Variants in GLRA3 observed in about 807,000 individuals in gnomAD.
GLRA3 encodes the protein glycine receptor subunit alpha-3.
A neutral mutation model predicts 60.4 loss-of-function variants in GLRA3; 44 were observed. The ratio of observed to expected loss-of-function variants is 0.73; its 90% CI spans 0.57 to 0.94. The LOEUF is 0.94. Ranked by LOEUF, GLRA3 falls within the 40% of genes least tolerant of loss-of-function variation. GLRA3 has a pLI of 0.00. For missense variants in GLRA3, 508 were observed against 564.6 expected (o/e 0.90, Z 1.02); for synonymous variants, 223 against 192.9 (o/e 1.16, Z -1.29).
intron 2 of GLRA3, among the ~76,000 whole-genome samples, chr4:174,774,362 GTA>G (rs1554020274): frequency 2.9e-4 from 41 of 139,176 alleles, no homozygotes; most frequent in African/African-American, 4.6e-4. Flanking sequence ...ATGTGTGTGT[GTA>G]TGTGTGTGTG....
intron 5 of GLRA3, among the ~76,000 whole-genome samples, chr4:174,692,303 C>G (rs1407217014): frequency 6.9e-6 from 1 of 145,678 alleles, no homozygotes; most frequent in East Asian, 2.0e-4. Context: ...GCCGCCCCGT[C>G]TGGGAGGGAG....
At chr4:174,694,035 A>G (rs1375881503) in intron 5 of GLRA3, among the ~76,000 whole-genome samples, 1 of 150,198 alleles carries the variant, frequency 6.7e-6, no homozygotes, top group East Asian at 1.9e-4. Context: ...AAGAAGACCT[A>G]ACTGTCCTAA....
Position 174,637,655 on chromosome 4 carries a change from C to T in GLRA3, c.*6131G>A, listed in dbSNP as rs1321915453. 6.6e-6 allele frequency: 1 copy of T among 152,106 alleles called. No homozygotes were observed. Among genetic ancestry groups the T allele is most frequent in the Non-Finnish European group, 1.5e-5 (1 of 68,016 alleles). 9.4% of individuals were successfully genotyped at this position (152,106 alleles called of 1,614,324 possible). On this transcript the variant is annotated 3_prime_UTR_variant, in exon 10 of 10. Coordinates refer to ENST00000274093, the MANE Select transcript of GLRA3 (RefSeq NM_006529.4). The stretch of plus-strand genomic sequence containing the variant: ...GCTATTAAAATAAAACAACTTAATC[C>T]CCTGTACTTTTGTTATAGCTTTACT...
At chr4:174,731,855 T>G (rs948471207) in intron 3 of GLRA3, among the ~76,000 whole-genome samples, 2 of 152,082 alleles carry the variant, frequency 1.3e-5, no homozygotes, top group African/African-American at 4.8e-5. Flanking sequence ...TCACAACATT[T>G]TACTAGGCAG....
At chr4:174,824,495 C>T (rs746126938) in intron 1 of GLRA3, among the ~76,000 whole-genome samples, 2 of 152,122 alleles carry the variant, frequency 1.3e-5, no homozygotes, top group South Asian at 2.1e-4. Context: ...CATATTCCAT[C>T]GTGAAGCAAT....
intron 9 of GLRA3, among the ~76,000 whole-genome samples, chr4:174,648,717 A>G (rs1312473624): frequency 6.6e-6 from 1 of 152,122 alleles, no homozygotes; most frequent in East Asian, 1.9e-4. Context: ...GTTTTGATTC[A>G]TGGGTATATT....
intron 5 of GLRA3, among the ~76,000 whole-genome samples, chr4:174,709,799 A>C (rs566772712): frequency 3.9e-5 from 6 of 152,178 alleles, no homozygotes; most frequent in African/African-American, 1.2e-4. Context: ...ATTCTCAGTG[A>C]TGAGTTAGCA....
chr4:174,807,584 C>G (rs564510152), intron 1 of GLRA3, among the ~76,000 whole-genome samples: 1 of 152,182 alleles, frequency 6.6e-6, no homozygotes, highest in East Asian at 1.9e-4. Flanking sequence ...AGAGAATTGT[C>G]TAGACCTATT....
In GLRA3 at chr4:174,639,917, A is replaced by G. The variant is rs898777390; in HGVS notation, c.*3869T>C. ...ATCTGCTGAGGAAGATGTCTCTTATACAGGTACAAGATGCAATGGGTATTA... is the reference window on the plus strand; with the variant it reads ...ATCTGCTGAGGAAGATGTCTCTTATGCAGGTACAAGATGCAATGGGTATTA... On this transcript the variant is annotated 3_prime_UTR_variant, in exon 10 of 10. Transcript: ENST00000274093. The G allele has an allele frequency of 4.6e-5, 7 of 152,262 alleles. No homozygotes were observed. In the East Asian group the frequency reaches 1.4e-3, roughly 29 times the overall value. 9.4% of individuals were successfully genotyped at this position (152,262 alleles called of 1,614,324 possible).
chr4:174,740,617 T>C (rs1319682082), intron 3 of GLRA3, among the ~76,000 whole-genome samples: 1 of 152,246 alleles, frequency 6.6e-6, no homozygotes, highest in African/African-American at 2.4e-5. Context: ...ATTGTTGATG[T>C]TCCTGCTTTA....
intron 5 of GLRA3, among the ~76,000 whole-genome samples, chr4:174,683,641 G>A (rs181813560): frequency 1.3e-5 from 2 of 152,222 alleles, no homozygotes; most frequent in Admixed American, 6.5e-5. Flanking sequence ...CAGCCACCGC[G>A]CCCAGACAGA....
At chr4:174,712,027 T>C (rs1453392930) in intron 5 of GLRA3, among the ~76,000 whole-genome samples, 1 of 152,102 alleles carries the variant, frequency 6.6e-6, no homozygotes, top group East Asian at 1.9e-4. Context: ...CCTTAACTCA[T>C]ACTTTTTTTT....
At chr4:174,774,849 A>G (rs1367282258) in intron 2 of GLRA3, among the ~76,000 whole-genome samples, 1 of 152,200 alleles carries the variant, frequency 6.6e-6, no homozygotes, top group Non-Finnish European at 1.5e-5. Context: ...TTTTCTTGTT[A>G]TAATGGTTAG....
intron 3 of GLRA3, among the ~76,000 whole-genome samples, chr4:174,760,681 G>A (rs373071295): frequency 5.9e-5 from 9 of 152,050 alleles, no homozygotes; most frequent in South Asian, 4.2e-4. Flanking sequence ...CCACCCTGCC[G>A]GCTAATTCTT....
intron 7 of GLRA3, among the ~76,000 whole-genome samples, chr4:174,662,750 G>T (rs1418717430): frequency 6.6e-6 from 1 of 151,584 alleles, no homozygotes; most frequent in East Asian, 1.9e-4. Flanking sequence ...CCCAAATCTG[G>T]TTCAGAATCT....
At chr4:174,729,929 TTA>T (rs1246411012) in intron 3 of GLRA3, among the ~76,000 whole-genome samples, 2 of 152,188 alleles carry the variant, frequency 1.3e-5, no homozygotes, top group Non-Finnish European at 2.9e-5. Flanking sequence ...GGTAGATTGC[TTA>T]TGTTATTGGT....
intron 5 of GLRA3, among the ~76,000 whole-genome samples, chr4:174,692,574 C>T (rs4695788): frequency 0.4 from 57,237 of 141,584 alleles, 12,293 homozygotes; most frequent in Middle Eastern, 0.51. Flanking sequence ...CATGGGAGAC[C>T]TTTCATTTTG....
At chr4:174,646,866 C>A (rs139673445) in intron 9 of GLRA3, among the ~76,000 whole-genome samples, 1 of 152,254 alleles carries the variant, frequency 6.6e-6, no homozygotes, top group East Asian at 1.9e-4. Context: ...AGAAGCTGAC[C>A]AGGCTTTCAG....
intron 9 of GLRA3, among the ~76,000 whole-genome samples, chr4:174,647,199 G>A (rs1732855689): frequency 1.3e-5 from 2 of 152,098 alleles, no homozygotes. Flanking sequence ...TTGAGCGCAG[G>A]AGTTGGGGAC....
Sources: gnomAD v4.1 joint callset for allele counts (sites outside exome capture counted in the v4.1 genomes callset) on GRCh38, gnomAD v4.1.1 for gene constraint, MANE v1.5 for transcripts, NCBI Gene and HGNC (gene_info 2026-07-23, HGNC 2026-07-21) for gene names.